Variants in METTL9 observed in about 807,000 individuals in gnomAD.
METTL9 encodes protein-L-histidine N-pros-methyltransferase.
Under a neutral mutation model 36.0 loss-of-function variants are expected in METTL9, and 10 were observed. That is an observed-to-expected ratio of 0.28 (90% confidence interval 0.17 to 0.47). METTL9 has a LOEUF of 0.47. METTL9 is among the 20% of genes least tolerant of loss of function. The probability of loss-of-function intolerance (pLI) is 0.99; values close to 1 mark genes in which losing one functional copy is unlikely to be tolerated. For missense variants in METTL9, 246 were observed against 383.5 expected, an observed-to-expected ratio of 0.64 and a Z score of 3.00; for synonymous variants, 175 against 149.7, an observed-to-expected ratio of 1.17 and a Z score of -1.23.
At chr16:21,597,586 A>T (rs1446566148), upstream of METTL9, among the ~76,000 whole-genome samples, 8 of 152,190 alleles carry the variant, frequency 5.3e-5, no homozygotes, top group Admixed American at 4.6e-4. Flanking sequence ...AACATTTTGC[A>T]GTCTCTCAGC....
Position 21,637,337 on chromosome 16 carries a change from C to CAG in METTL9, c.751+12223_751+12224insGA, listed in dbSNP as rs140262264. On this transcript the variant is annotated intron_variant, in intron 4 of 4. Transcript: ENST00000358154. ...GCGTTTAGAATCCTTTAGCTAGACA[C>CAG]AAGTTCTCCAAGTCTGCTACCCGGC... is the stretch of plus-strand genomic sequence containing the variant. Among the ~76,000 whole-genome samples the CAG allele has an allele frequency of 8.8e-3, 1,345 of 152,222 alleles. 46 individuals are homozygous for CAG. Among genetic ancestry groups the CAG allele is most frequent in the East Asian group, 0.083 (428 of 5,182 alleles).
rs3046231 is a variant in METTL9, at chr16:21,605,257, C to CTTTTTTTTTTTTTTTTTT, written c.165+5381_165+5398dup. Among the ~76,000 whole-genome samples, 58 of 51,236 alleles carry CTTTTTTTTTTTTTTTTTT rather than the reference C, an allele frequency of 1.1e-3. 15 individuals are homozygous for CTTTTTTTTTTTTTTTTTT. The highest frequency in any genetic ancestry group is 1.5e-3 in the Non-Finnish European group (39 of 25,854). 33.6% of individuals were successfully genotyped at this position (51,236 alleles called of 152,430 possible). A position where few individuals can be genotyped will look rare whatever the true frequency, so the allele number is the denominator to read the frequency against. ...GGGGTGGTAAAAATAGGCTTGCCTT[C>CTTTTTTTTTTTTTTTTTT]TTTTTTTTTTTTTTTTTTTTTTTTT... On this transcript the variant is annotated intron_variant, in intron 1 of 4. Transcript: ENST00000358154.
intron 4 of METTL9, chr16:21,639,788 A>G (rs1168916185): frequency 6.6e-6 from 1 of 152,178 alleles, no homozygotes; most frequent in African/African-American, 2.4e-5. Context: ...CTGGGCACAT[A>G]GGATCAGGAA....
In METTL9 at chr16:21,631,124, C is replaced by CT. The variant is rs558081981; in HGVS notation, c.751+6012dup. 9.1e-4 allele frequency among the ~76,000 whole-genome samples: 138 copies of CT among 152,202 alleles called. 1 individual carries two copies. Among genetic ancestry groups the CT allele is most frequent in the African/African-American group, 3.2e-3 (133 of 41,506 alleles). On this transcript the variant is annotated intron_variant, in intron 4 of 4. Coordinates refer to ENST00000358154, the MANE Select transcript of METTL9 (RefSeq NM_016025.5). Reference sequence around the variant, plus strand: ...TTTCTTGCAAACTATCTGAGAAATCCTTTGATAGTGTGTAATAGTAGGATA... The same window carrying CT: ...TTTCTTGCAAACTATCTGAGAAATCCTTTTGATAGTGTGTAATAGTAGGATA...
chr16:21,612,530 A>G, intron 1 of METTL9, 115 bp from the exon 2 acceptor site: 3 of 921,438 alleles, frequency 3.3e-6, no homozygotes, highest in Non-Finnish European at 1.5e-6. Flanking sequence ...ATGAGATGGT[A>G]ATATTTGGAA....
chr16:21,603,156 T>G (rs74395794), intron 1 of METTL9, among the ~76,000 whole-genome samples: 1 of 151,568 alleles, frequency 6.6e-6, no homozygotes, highest in African/African-American at 2.4e-5. Flanking sequence ...TTTTTTTTTT[T>G]GGAGACAGGG....
At chr16:21,641,640 A>G (rs1356446238) in intron 4 of METTL9, 2 of 1,246,932 alleles carry the variant, frequency 1.6e-6, no homozygotes. Flanking sequence ...TTATGTAACC[A>G]ATGAAGCCAA....
chr16:21,605,077 A>G (rs1965236742), intron 1 of METTL9, among the ~76,000 whole-genome samples: 1 of 151,928 alleles, frequency 6.6e-6, no homozygotes, highest in Non-Finnish European at 1.5e-5. Context: ...CGCACTTTAC[A>G]TACAGAAAAG....
intron 1 of METTL9, among the ~76,000 whole-genome samples, chr16:21,606,338 AAATAAT>A (rs141626965): frequency 2.8e-4 from 43 of 151,728 alleles, no homozygotes; most frequent in Non-Finnish European, 4.1e-4. Context: ...CTCCGTCTCA[AAATAAT>A]AATAATAATA....
Position 21,633,640 on chromosome 16 carries a change from A to T in METTL9, c.751+8525A>T, listed in dbSNP as rs557786989. 2.0e-5 allele frequency among the ~76,000 whole-genome samples: 3 copies of T among 152,260 alleles called. No homozygotes were observed. In the East Asian group the frequency reaches 5.8e-4, roughly 29 times the overall value. On this transcript the variant is annotated intron_variant, in intron 4 of 4. Transcript: ENST00000358154. ...GAGCAGGGTATAGGGGTTGGGTACA[A>T]CTGGATATAGAGGAATTACTGCCTC...
chr16:21,627,968 CA>C (rs1434417888), intron 4 of METTL9, among the ~76,000 whole-genome samples: 1 of 151,874 alleles, frequency 6.6e-6, no homozygotes, highest in African/African-American at 2.4e-5. Context: ...ACAAACAAAA[CA>C]AAAAAAGTTT....
intron 4 of METTL9, 149 bp from the exon 5 acceptor site, chr16:21,655,078 A>G (rs1828013243): frequency 1.5e-6 from 1 of 671,270 alleles, no homozygotes; most frequent in Admixed American, 2.9e-5. Context: ...CCTGTCTCAA[A>G]GAGTACCTGG....
At chr16:21,630,742 C>T (rs940596105) in intron 4 of METTL9, among the ~76,000 whole-genome samples, 2 of 152,122 alleles carry the variant, frequency 1.3e-5, no homozygotes, top group Admixed American at 6.6e-5. Flanking sequence ...AGCTTGATGG[C>T]CTCCATTCTA....
At chr16:21,649,536 C>T (rs1023916466) in intron 4 of METTL9, among the ~76,000 whole-genome samples, 5 of 152,116 alleles carry the variant, frequency 3.3e-5, no homozygotes, top group African/African-American at 1.2e-4. Context: ...AAGCACCTTA[C>T]AAGTACAGTG....
chr16:21,632,138 A>G (rs900885289), intron 4 of METTL9, among the ~76,000 whole-genome samples: 2 of 151,878 alleles, frequency 1.3e-5, no homozygotes, highest in African/African-American at 2.4e-5. Context: ...GGGTTTTTGC[A>G]CTGCATGCAA....
Position 21,656,173 on chromosome 16 carries a change from A to AC in METTL9, c.*745dup, listed in dbSNP as rs1038380005. 7.9e-6 allele frequency: 1 copy of AC among 126,802 alleles called. No individual in the cohort carries two copies. The highest frequency in any genetic ancestry group is 1.7e-5 in the Non-Finnish European group (1 of 59,534). The allele number at this position is 126,802 out of a possible 1,614,324, so 7.9% of individuals were successfully genotyped here. ...CTCATTCAGATACAGAACTTCAGGGACCCCTCCCCCCACCCCCCCAGTTAA... is the reference window on the plus strand; with the variant it reads ...CTCATTCAGATACAGAACTTCAGGGACCCCCTCCCCCCACCCCCCCAGTTAA... On this transcript the variant is annotated 3_prime_UTR_variant, in exon 5 of 5. Transcript: ENST00000358154.
intron 3 of METTL9, among the ~76,000 whole-genome samples, chr16:21,622,807 T>G (rs538988541): frequency 6.6e-6 from 1 of 152,238 alleles, no homozygotes; most frequent in Non-Finnish European, 1.5e-5. Flanking sequence ...TGAAACTCAT[T>G]CTGAGGTAGG....
In METTL9 at chr16:21,655,229, G is replaced by A. The variant is rs2141631283; in HGVS notation, c.754G>A (p.Gly252Ser). The change falls in exon 5 of 5, where the codon GGT becomes AGT. Residue 252 changes from glycine to serine, a missense_variant and splice_region_variant. Gly to Ser is a moderately conservative substitution (Grantham distance 56). Around this residue, in one of 2 missense-constraint regions of METTL9, gnomAD observed 146 missense variants for 302.1 expected, o/e 0.48. Transcript: ENST00000358154. The part of the protein sequence containing the change: ...LPFHPYVENV[G>S]GKWEKPSEIL... ...CTGAATGTTCTTATTTGTATTAGTA[G>A]GTGGCAAGTGGGAGAAACCATCAGA... 1 of 1,612,928 alleles carries A rather than the reference G, an allele frequency of 6.2e-7. No homozygotes were observed. Among genetic ancestry groups the A allele is most frequent in the South Asian group, 1.1e-5 (1 of 91,046 alleles).
chr16:21,599,575 T>C (rs1965041897), upstream of METTL9: 1 of 1,288,072 alleles, frequency 7.8e-7, no homozygotes, highest in Non-Finnish European at 9.8e-7. This position sits in a 1 kb window ranked among gnomAD's most constrained non-coding sequence, Gnocchi z 4.4. Context: ...CGCCGGCTGC[T>C]CCTCCCCACC....
Sources: gnomAD v4.1 joint callset for allele counts (sites outside exome capture counted in the v4.1 genomes callset) on GRCh38, gnomAD v4.1.1 for gene constraint, gnomAD v4.1.1 regional missense constraint, Gnocchi (gnomAD v3.1) non-coding constraint, MANE v1.5 for transcripts, NCBI Gene and HGNC (gene_info 2026-07-23, HGNC 2026-07-21) for gene names.